Variants in KCNIP4 observed in about 807,000 individuals in gnomAD.
The protein encoded by KCNIP4 is potassium voltage-gated channel interacting protein 4.
A neutral mutation model predicts 34.0 loss-of-function variants in KCNIP4; 12 were observed. The ratio of observed to expected loss-of-function variants is 0.35; its 90% CI spans 0.23 to 0.57. The LOEUF is 0.57. KCNIP4 is among the 20% of genes least tolerant of loss of function. The pLI is 0.83. For missense variants in KCNIP4, 238 were observed against 311.7 expected, an observed-to-expected ratio of 0.76 and a Z score of 1.78; for synonymous variants, 124 against 102.2, an observed-to-expected ratio of 1.21 and a Z score of -1.29.
In KCNIP4 at chr4:21,666,776, C is replaced by A. The variant is rs567261332; in HGVS notation, c.61+281795G>T. Among the ~76,000 whole-genome samples the A allele has an allele frequency of 4.6e-5, 7 of 152,258 alleles. No individual in the cohort carries two copies. In the East Asian group the frequency reaches 1.4e-3, roughly 29 times the overall value. ...AAAAGCAAGAATAGAACCTTCTCTA[C>A]ATGTCCCTTCAAGTCTTTTTAAAAG... On this transcript the variant is annotated intron_variant, in intron 1 of 8. Transcript: ENST00000382152.
intron 1 of KCNIP4, among the ~76,000 whole-genome samples, chr4:21,606,818 C>T (rs1413570846): frequency 6.6e-6 from 1 of 152,004 alleles, no homozygotes; most frequent in Non-Finnish European, 1.5e-5. Context: ...GTCACAAATT[C>T]CTGACGTTAG....
At chr4:21,861,707 C>G (rs143003706) in intron 1 of KCNIP4, among the ~76,000 whole-genome samples, 18 of 151,702 alleles carry the variant, frequency 1.2e-4, no homozygotes, top group African/African-American at 3.4e-4. Flanking sequence ...GCTGGCACCA[C>G]TATTAAATTG....
chr4:21,928,125 TATACACAC>T (rs1560186503), intron 1 of KCNIP4, among the ~76,000 whole-genome samples: 1 of 124,366 alleles, frequency 8.0e-6, no homozygotes, highest in African/African-American at 2.6e-5. Context: ...TATATATATA[TATACACAC>T]ACACACACAC....
intron 1 of KCNIP4, among the ~76,000 whole-genome samples, chr4:21,190,733 A>G (rs912283074): frequency 4.0e-5 from 6 of 150,658 alleles, no homozygotes; most frequent in Non-Finnish European, 8.9e-5. Flanking sequence ...AAAAAATACA[A>G]GAAGAAAGAA....
At chr4:21,911,006 A>AT in intron 1 of KCNIP4, among the ~76,000 whole-genome samples, 1 of 152,220 alleles carries the variant, frequency 6.6e-6, no homozygotes, top group South Asian at 2.1e-4. Context: ...AAGCAACCTT[A>AT]TTTTTTATTG....
rs527898078 is a variant in KCNIP4 at position 21,124,051 on chromosome 4, A to C, written c.62-241342T>G. 4.1e-4 allele frequency among the ~76,000 whole-genome samples: 63 copies of C among 151,910 alleles called. 2 individuals carry two copies. The highest frequency in any genetic ancestry group is 3.9e-3 in the Admixed American group (60 of 15,268). Reference sequence around the variant, plus strand: ...AAAAAACAAAAAAACAACAAAAAAAAAACAACAAAAAAAACCTATATTTTC... The same window carrying C: ...AAAAAACAAAAAAACAACAAAAAAACAACAACAAAAAAAACCTATATTTTC... On this transcript the variant is annotated intron_variant, in intron 1 of 8. Coordinates refer to ENST00000382152, the MANE Select transcript of KCNIP4 (RefSeq NM_025221.6).
At chr4:20,946,786 T>C (rs1227940769) in intron 1 of KCNIP4, among the ~76,000 whole-genome samples, 2 of 152,174 alleles carry the variant, frequency 1.3e-5, no homozygotes, top group Non-Finnish European at 2.9e-5. Context: ...AGGATACCTA[T>C]TCCAATCTAA....
chr4:20,863,239 G>T (rs1722401679), intron 2 of KCNIP4, among the ~76,000 whole-genome samples: 1 of 152,108 alleles, frequency 6.6e-6, no homozygotes, highest in Non-Finnish European at 1.5e-5. Flanking sequence ...GAGGTGGGGA[G>T]TGCTGATTCG....
chr4:21,536,547 G>A (rs1737184319), intron 1 of KCNIP4, among the ~76,000 whole-genome samples: 2 of 152,152 alleles, frequency 1.3e-5, no homozygotes, highest in South Asian at 4.1e-4. Flanking sequence ...GGGAGGCCAA[G>A]GCAGGCAGAT....
chr4:21,322,971 T>C (rs1714655648), intron 1 of KCNIP4, among the ~76,000 whole-genome samples: 2 of 151,898 alleles, frequency 1.3e-5, no homozygotes, highest in African/African-American at 4.8e-5. Context: ...ATGTGCATAA[T>C]TGATAATTGT....
In KCNIP4 at chr4:21,662,706, C is replaced by T. The variant is rs114236705; in HGVS notation, c.61+285865G>A. Among the ~76,000 whole-genome samples the T allele has an allele frequency of 6.3e-3, 961 of 152,228 alleles. 15 individuals are homozygous for T. Among genetic ancestry groups the T allele is most frequent in the African/African-American group, 0.022 (900 of 41,550 alleles). On this transcript the variant is annotated intron_variant, in intron 1 of 8. Coordinates refer to ENST00000382152, the MANE Select transcript of KCNIP4 (RefSeq NM_025221.6). ...ACTCTTAAAAACCACAGACTTCATA[C>T]ACAGAATTACTAGAAAAACTAAAGT...
At chr4:21,150,617 T>C (rs1752688782) in intron 1 of KCNIP4, among the ~76,000 whole-genome samples, 1 of 152,232 alleles carries the variant, frequency 6.6e-6, no homozygotes, top group Middle Eastern at 3.2e-3. Context: ...AATATCAACA[T>C]GGCTCAAGTG....
Position 21,728,096 on chromosome 4 carries a change from C to T in KCNIP4, c.61+220475G>A, listed in dbSNP as rs530600228. Among the ~76,000 whole-genome samples, 55 of 152,224 alleles carry T rather than the reference C, an allele frequency of 3.6e-4. 1 individual carries two copies. In the South Asian group the frequency reaches 5.4e-3, roughly 15 times the overall value. On this transcript the variant is annotated intron_variant, in intron 1 of 8. Transcript: ENST00000382152. ...TTCTTCTCCATCTACACCTGCTTTCCAGGTAATTCCATCTCAGTAAACAAT... is the reference window on the plus strand; with the variant it reads ...TTCTTCTCCATCTACACCTGCTTTCTAGGTAATTCCATCTCAGTAAACAAT...
intron 1 of KCNIP4, among the ~76,000 whole-genome samples, chr4:20,911,338 C>T (rs1728307510): frequency 6.6e-6 from 1 of 152,148 alleles, no homozygotes; most frequent in Admixed American, 6.6e-5. Context: ...TTACTTCCTC[C>T]ATAGTGTTCA....
intron 1 of KCNIP4, among the ~76,000 whole-genome samples, chr4:21,375,121 T>C (rs531032086): frequency 8.1e-5 from 12 of 147,494 alleles, no homozygotes; most frequent in Middle Eastern, 3.4e-3. Context: ...TGCAAATAGG[T>C]TACTCAAGTA....
At chr4:21,071,033 A>G (rs1744866424) in intron 1 of KCNIP4, among the ~76,000 whole-genome samples, 1 of 152,038 alleles carries the variant, frequency 6.6e-6, no homozygotes, top group African/African-American at 2.4e-5. Flanking sequence ...TATGTAGTTT[A>G]TCAATATCTT....
intron 1 of KCNIP4, among the ~76,000 whole-genome samples, chr4:21,329,872 C>A (rs562009564): frequency 6.6e-6 from 1 of 152,268 alleles, no homozygotes; most frequent in East Asian, 1.9e-4. Flanking sequence ...ATAAAAACAA[C>A]CTAAAAATGT....
At chr4:21,142,146 G>A (rs1441580456) in intron 1 of KCNIP4, among the ~76,000 whole-genome samples, 18 of 77,132 alleles carry the variant, frequency 2.3e-4, no homozygotes, top group South Asian at 4.5e-4. Context: ...GCGAGACACC[G>A]TCTCAAAAAA....
In KCNIP4 at chr4:21,670,031, G is replaced by C. The variant is rs554985054; in HGVS notation, c.61+278540C>G. 1.4e-4 allele frequency among the ~76,000 whole-genome samples: 22 copies of C among 151,996 alleles called. No individual in the cohort carries two copies. The South Asian group carries it at 4.6e-3, about 32-fold the overall frequency. ...GTTTACATTTTCTAATCTTCCATAAGCATATTTATCTATTCAGGAATATTT... is the reference window on the plus strand; with the variant it reads ...GTTTACATTTTCTAATCTTCCATAACCATATTTATCTATTCAGGAATATTT... On this transcript the variant is annotated intron_variant, in intron 1 of 8. Coordinates refer to ENST00000382152, the MANE Select transcript of KCNIP4 (RefSeq NM_025221.6).
Sources: allele counts gnomAD v4.1 joint callset (sites outside exome capture counted in the v4.1 genomes callset), GRCh38; gene constraint gnomAD v4.1.1; transcripts MANE v1.5; gene names NCBI Gene and HGNC (gene_info 2026-07-23, HGNC 2026-07-21).